The following RETSAT variants were observed in gnomAD, a reference collection of about 807,000 sequenced individuals.
RETSAT encodes the protein all-trans-retinol 13,14-reductase.
RETSAT carries 35 observed loss-of-function variants against 61.6 expected under a neutral mutation model. The ratio of observed to expected loss-of-function variants is 0.57; its 90% confidence interval spans 0.43 to 0.75. The LOEUF is 0.75. RETSAT is among the 30% of genes least tolerant of loss of function. RETSAT has a pLI of 0.00. For synonymous variants in RETSAT, 277 were observed against 310.4 expected (o/e 0.89, Z 1.13); for missense variants, 670 against 759.5 (o/e 0.88, Z 1.38).
At chr2:85,349,735 C>G in intron 4 of RETSAT, 154 bp from the exon 5 acceptor site, 1 of 703,852 alleles carries the variant, frequency 1.4e-6, no homozygotes, top group Non-Finnish European at 2.5e-6. Context: ...GCCTTTCCAT[C>G]TAGACATGGG....
rs139032795 is a variant in RETSAT, at chr2:85,344,514, CCATTCCATAACCTCTGCT to C, written c.1256+62_1256+79del. 4.2e-3 allele frequency: 6,714 copies of C among 1,580,616 alleles called. 221 individuals carry two copies. In the African/African-American group the frequency reaches 0.078, roughly 18 times the overall value. On this transcript the variant is annotated intron_variant, in intron 7 of 10. Transcript: ENST00000295802. ...CAAATTAGAAATTGCCTACTTCCTCCCATTCCATAACCTCTGCTCATTCTCTGAGTCAAGCAGGGAGGC... is the reference window on the plus strand; with the variant it reads ...CAAATTAGAAATTGCCTACTTCCTCCCATTCTCTGAGTCAAGCAGGGAGGC...
At position 85,344,296 on chromosome 2, in the gene RETSAT, G is replaced by A; in HGVS notation, c.1309C>T (p.Leu437Phe). The A allele has an allele frequency of 6.2e-7, 1 of 1,614,158 alleles. No homozygotes were observed. The change falls in exon 8 of 11, where the codon CTT (leucine) becomes TTT (phenylalanine). Residue 437 changes from leucine (L) to phenylalanine (F), a missense_variant. Coordinates refer to ENST00000295802, the MANE Select transcript of RETSAT (RefSeq NM_017750.4). Reference protein sequence around the residue: ...PREEAAEHIPLLFFAFPSAKD... With the variant: ...PREEAAEHIPFLFFAFPSAKD... ...GCTGATGGGAAAGCGAAGAAGAGAAGAGGGATGTGTTCCGCAGCCTCTTCC... is the reference window on the plus strand; with the variant it reads ...GCTGATGGGAAAGCGAAGAAGAGAAAAGGGATGTGTTCCGCAGCCTCTTCC...
rs374721486 is a variant in RETSAT, at chr2:85,343,801, G to A, written c.1534-3C>T. ...GATCCTGCAGTCACACTCTCCACCT[G>A]AGGGCAGAAAGGGTGGGGCAGGCAT... On this transcript the variant is annotated splice_polypyrimidine_tract_variant and splice_region_variant and intron_variant, in intron 9 of 10. Transcript: ENST00000295802. The A allele has an allele frequency of 6.2e-7, 1 of 1,613,490 alleles. No homozygotes were observed. The highest frequency in any genetic ancestry group is 1.3e-5 in the African/African-American group (1 of 74,916).
In RETSAT at chr2:85,354,320, G is replaced by C; in HGVS notation, c.172+16C>G. 1 of 1,613,838 alleles carries C rather than the reference G, an allele frequency of 6.2e-7. No homozygotes were observed. The highest frequency in any genetic ancestry group is 1.7e-4 in the Middle Eastern group (1 of 5,982). ...GCCTCGAGTGCAGCCCCGGACCCCA[G>C]GGTCCCTCCTGCTACCTTGTTTGAG... On this transcript the variant is annotated intron_variant, in intron 1 of 10. Transcript: ENST00000295802.
In RETSAT at chr2:85,343,260, T is replaced by C. The variant is rs766894515; in HGVS notation, c.1815A>G (p.Ala605=). Residue 605 remains alanine, a synonymous_variant, in exon 11 of 11, where the codon GCA becomes GCG. Coordinates refer to ENST00000295802, the MANE Select transcript of RETSAT (RefSeq NM_017750.4). ...DLKNLDSRIR[A]QKKKN Reference sequence around the variant, plus strand: ...GATGGAACTAATTCTTTTTCTTCTGTGCCCGGATCCTAGAATCAAGATTCT... The same window carrying C: ...GATGGAACTAATTCTTTTTCTTCTGCGCCCGGATCCTAGAATCAAGATTCT... 1.7e-5 allele frequency: 27 copies of C among 1,614,114 alleles called. No individual in the cohort carries two copies. The African/African-American group carries it at 3.5e-4, about 21-fold the overall frequency.
intron 6 of RETSAT, 128 bp from the exon 7 acceptor site, chr2:85,344,860 C>T: frequency 2.0e-6 from 2 of 981,224 alleles, no homozygotes; most frequent in South Asian, 3.4e-5. Flanking sequence ...GGCCACTCTG[C>T]TTCCTTCATT....
At chr2:85,351,970 TA>T in intron 1 of RETSAT, 108 bp from the exon 2 acceptor site, 1 of 1,043,470 alleles carries the variant, frequency 9.6e-7, no homozygotes, top group South Asian at 1.6e-5. Context: ...AAGAAACCTC[TA>T]GAGTGGTTTG....
At chr2:85,345,598 G>A (rs549186820) in intron 6 of RETSAT, 11 of 365,468 alleles carry the variant, frequency 3.0e-5, no homozygotes, top group African/African-American at 8.5e-5. Flanking sequence ...TCTTAGCTGC[G>A]TTGGCTCGGC....
At chr2:85,347,566 C>T (rs1683223215) in intron 5 of RETSAT, among the ~76,000 whole-genome samples, 1 of 152,180 alleles carries the variant, frequency 6.6e-6, no homozygotes, top group South Asian at 2.1e-4. Context: ...CAGGGTTTCA[C>T]TATGTTGGCC....
rs1160619538 is a variant in RETSAT, at chr2:85,354,481, C to T, written c.27G>A (p.Leu9=). The change falls in exon 1 of 11, where the codon CTG becomes CTA. Residue 9 remains leucine, a synonymous_variant. Transcript: ENST00000295802. ...AGAGGACGGCCAGCAGCAGCACAGC[C>T]AGGAGCAGCACCAGCGGAAGCCACA... MWLPLVLL[L]AVLLLAVLCK... 3.1e-6 allele frequency: 5 copies of T among 1,613,048 alleles called. No homozygotes were observed. Among genetic ancestry groups the T allele is most frequent in the East Asian group, 4.5e-5 (2 of 44,886 alleles).
Position 85,344,017 on chromosome 2 carries a change from G to A in RETSAT, c.1515C>T (p.Phe505=). The change falls in exon 9 of 11, where the codon TTC becomes TTT. Residue 505 remains phenylalanine, a synonymous_variant. Transcript: ENST00000295802. The part of the protein sequence containing the change: ...EASMSVVLKL[F]PQLEGKVESV... ...CCCCTACCTTCCCCTCCAGCTGTGG[G>A]AACAGTTTCAGGACCACTGACATAG... The A allele has an allele frequency of 6.2e-7, 1 of 1,614,084 alleles. No homozygotes were observed. Among genetic ancestry groups the A allele is most frequent in the Non-Finnish European group, 8.5e-7 (1 of 1,180,006 alleles).
In RETSAT at chr2:85,347,741, T is replaced by A. The variant is rs148788990; in HGVS notation, c.997+1643A>T. Among the ~76,000 whole-genome samples the A allele has an allele frequency of 2.8e-3, 419 of 152,332 alleles. 1 individual carries two copies. Among genetic ancestry groups the A allele is most frequent in the Non-Finnish European group, 5.0e-3 (337 of 68,030 alleles). ...ATATCTGGATTGTATTTAACTCAAC[T>A]GATACCTTGCTTCCTGGACCCCTTT... On this transcript the variant is annotated intron_variant, in intron 5 of 10. Coordinates refer to ENST00000295802, the MANE Select transcript of RETSAT (RefSeq NM_017750.4).
Position 85,346,082 on chromosome 2 carries a change from T to C in RETSAT, c.1010A>G (p.Lys337Arg), listed in dbSNP as rs772750331. 1.2e-6 allele frequency: 2 copies of C among 1,611,992 alleles called. No individual in the cohort carries two copies. Among genetic ancestry groups the C allele is most frequent in the East Asian group, 4.5e-5 (2 of 44,816 alleles). The change falls in exon 6 of 11, where the codon AAG becomes AGG. Residue 337 changes from lysine to arginine, a missense_variant. Coordinates refer to ENST00000295802, the MANE Select transcript of RETSAT (RefSeq NM_017750.4). Reference protein sequence around the residue: ...SAGKACGVSVKKGHELVNIYC... With the variant: ...SAGKACGVSVRKGHELVNIYC... ...GATGTTCACCAGCTCATGCCCCTTC[T>C]TCACACTGACACCTGCAGGCACAAG...
In RETSAT at chr2:85,354,262, C is replaced by A. The variant is rs1180732326; in HGVS notation, c.172+74G>T. 6.4e-6 allele frequency: 10 copies of A among 1,563,588 alleles called. No individual in the cohort carries two copies. In the East Asian group the frequency reaches 2.2e-4, roughly 35 times the overall value. On this transcript the variant is annotated intron_variant, in intron 1 of 10. Coordinates refer to ENST00000295802, the MANE Select transcript of RETSAT (RefSeq NM_017750.4). ...AAGGCCCACGTCTGGTAGCGGCTGCCTTGGCAAAATGAGAACCCAAATCTG... is the reference window on the plus strand; with the variant it reads ...AAGGCCCACGTCTGGTAGCGGCTGCATTGGCAAAATGAGAACCCAAATCTG...
At chr2:85,349,819 A>G in intron 4 of RETSAT, 1 of 626,288 alleles carries the variant, frequency 1.6e-6, no homozygotes. Flanking sequence ...CAAGGAGGAT[A>G]GTGTTGCTTG....
intron 1 of RETSAT, 60 bp from the exon 2 acceptor site, chr2:85,351,922 A>G: frequency 6.5e-7 from 1 of 1,537,178 alleles, no homozygotes; most frequent in Non-Finnish European, 8.8e-7. Flanking sequence ...TAGCAAAGAT[A>G]GGGAAACCAA....
chr2:85,349,936 G>A, intron 4 of RETSAT, 104 bp downstream of exon 4: 5 of 1,137,290 alleles, frequency 4.4e-6, no homozygotes, highest in Non-Finnish European at 6.4e-6. Flanking sequence ...GGTTTACACT[G>A]CTCCATATCA....
chr2:85,349,078 C>T (rs769827314), intron 5 of RETSAT, among the ~76,000 whole-genome samples: 20 of 143,566 alleles, frequency 1.4e-4, no homozygotes, highest in Non-Finnish European at 2.5e-4. Context: ...TTTAAAGAGA[C>T]AGGGTTTAAC....
chr2:85,351,866 C>G lies in RETSAT; in HGVS notation c.173-4G>C. ...GGCACTTGGTTGGCTGAAAAAGCTACAGCAGAAGGGCCAAAGGGTGGGTTT... is the reference window on the plus strand; with the variant it reads ...GGCACTTGGTTGGCTGAAAAAGCTAGAGCAGAAGGGCCAAAGGGTGGGTTT... On this transcript the variant is annotated splice_region_variant and splice_polypyrimidine_tract_variant and intron_variant, in intron 1 of 10. Transcript: ENST00000295802. 6.2e-7 allele frequency: 1 copy of G among 1,612,936 alleles called. No individual in the cohort carries two copies. The highest frequency in any genetic ancestry group is 1.1e-5 in the South Asian group (1 of 91,012).
Sources: gnomAD v4.1 joint callset for allele counts (sites outside exome capture counted in the v4.1 genomes callset) on GRCh38, gnomAD v4.1.1 for gene constraint, MANE v1.5 for transcripts, NCBI Gene and HGNC (gene_info 2026-07-23, HGNC 2026-07-21) for gene names.